SARDH: variants seen among roughly 807,000 people sequenced by gnomAD.
The protein encoded by SARDH is sarcosine dehydrogenase.
Under a neutral mutation model 109.1 loss-of-function variants are expected in SARDH, and 95 were observed. The observed-to-expected ratio is 0.87, with a 90% CI of 0.74 to 1.03. The LOEUF (loss-of-function observed/expected upper bound fraction) is 1.03. SARDH is among the 50% of genes least tolerant of loss of function. SARDH has a pLI of 0.00. For synonymous variants in SARDH, 572 were observed against 534.8 expected, an observed-to-expected ratio of 1.07 and a Z score of -0.96; for missense variants, 1,267 against 1,287.8, an observed-to-expected ratio of 0.98 and a Z score of 0.25.
At chr9:133,689,197 TC>T (rs1831003365) in intron 16 of SARDH, among the ~76,000 whole-genome samples, 1 of 76,392 alleles carries the variant, frequency 1.3e-5, no homozygotes, top group African/African-American at 5.0e-5. Flanking sequence ...CCTCCCTGCC[TC>T]TCCTCCTCTC....
intron 13 of SARDH, 138 bp downstream of exon 13, chr9:133,702,778 G>A (rs965777901): frequency 7.5e-5 from 53 of 710,420 alleles, no homozygotes; most frequent in Non-Finnish European, 1.2e-4. Flanking sequence ...GGAGTCAGCC[G>A]AAAAAAGCGT....
intron 6 of SARDH, 115 bp from the exon 7 acceptor site, chr9:133,719,157 T>TACAACGAGAAGGACCA: frequency 1.2e-6 from 1 of 815,054 alleles, no homozygotes; most frequent in Non-Finnish European, 2.0e-6. Context: ...GAGATGGTCC[T>TACAACGAGAAGGACCA]TCTCGTTGTA....
rs116857093 is a variant in SARDH, at chr9:133,729,502, G to A, written c.915+263C>T. On this transcript the variant is annotated intron_variant, in intron 6 of 20. Transcript: ENST00000439388. Reference sequence around the variant, plus strand: ...TGCACCACGCAGGACAGGCTGGACTGTGTTCTGGGCATCAAAGAGAGGCCA... The same window carrying A: ...TGCACCACGCAGGACAGGCTGGACTATGTTCTGGGCATCAAAGAGAGGCCA... 1.7e-3 allele frequency among the ~76,000 whole-genome samples: 260 copies of A among 152,316 alleles called. 3 individuals carry two copies. The highest frequency in any genetic ancestry group is 2.9e-3 in the Non-Finnish European group (196 of 68,022).
At chr9:133,695,032 C>T (rs1431512662) in intron 14 of SARDH, among the ~76,000 whole-genome samples, 1 of 152,054 alleles carries the variant, frequency 6.6e-6, no homozygotes, top group East Asian at 1.9e-4. Context: ...TTGTGTCCCC[C>T]ACAAAAGATA....
At position 133,734,055 on chromosome 9, in the gene SARDH, AC is replaced by A; in HGVS notation, c.118del (p.Val40CysfsTer7). On this transcript the variant is annotated frameshift_variant, in exon 2 of 21. Coordinates refer to ENST00000439388, the MANE Select transcript of SARDH (RefSeq NM_001134707.2). LOFTEE classifies it high-confidence loss of function. Reference sequence around the variant, plus strand: ...CTCCTTCAGGGTCCGCTGATATGGCACACTCTTCTCGGCTGTGGGGCCAGCT... The same window carrying A: ...CTCCTTCAGGGTCCGCTGATATGGCAACTCTTCTCGGCTGTGGGGCCAGCT... ...SAAGPTAEKSVPYQRTLKEGQ... is the reference protein window; with the variant it reads ...SAAGPTAEKSXPYQRTLKEGQ... 1 of 1,613,312 alleles carries A rather than the reference AC, an allele frequency of 6.2e-7. No homozygotes were observed. Among genetic ancestry groups the A allele is most frequent in the Non-Finnish European group, 8.5e-7 (1 of 1,179,944 alleles).
intron 18 of SARDH, among the ~76,000 whole-genome samples, 196 bp downstream of exon 18, chr9:133,671,339 C>T (rs903021218): frequency 1.3e-5 from 2 of 152,110 alleles, no homozygotes; most frequent in Admixed American, 1.3e-4. Context: ...CACGAAGACC[C>T]TGGGCAGCAA....
rs761262172 is a variant in SARDH at position 133,733,941 on chromosome 9, C to A, written c.233G>T (p.Gly78Val). Residue 78 changes from glycine to valine, a missense_variant, in exon 2 of 21, where the codon GGC (glycine) becomes GTC (valine). Coordinates refer to ENST00000439388, the MANE Select transcript of SARDH (RefSeq NM_001134707.2). Reference sequence around the variant, plus strand: ...GGCCAGGTGGTACAGGGTCTGGCAGCCCAAGCTGCCTCCACCAATGACCAC... The same window carrying A: ...GGCCAGGTGGTACAGGGTCTGGCAGACCAAGCTGCCTCCACCAATGACCAC... ...NVVVIGGGSLGCQTLYHLAKL... is the reference protein window; with the variant it reads ...NVVVIGGGSLVCQTLYHLAKL... 3 of 1,600,600 alleles carry A rather than the reference C, an allele frequency of 1.9e-6. No individual in the cohort carries two copies. The highest frequency in any genetic ancestry group is 1.7e-5 in the Admixed American group (1 of 59,182).
At chr9:133,723,500 C>T (rs759411199) in intron 6 of SARDH, among the ~76,000 whole-genome samples, 17 of 152,294 alleles carry the variant, frequency 1.1e-4, no homozygotes, top group Admixed American at 2.6e-4. Flanking sequence ...TGGTGGCTCA[C>T]GCCTGTAATC....
intron 15 of SARDH, among the ~76,000 whole-genome samples, chr9:133,691,629 A>C (rs1051213603): frequency 3.9e-5 from 6 of 152,202 alleles, no homozygotes; most frequent in Admixed American, 3.9e-4. Flanking sequence ...ATTTAAAATT[A>C]CTTTTGAGAT....
chr9:133,679,685 C>A (rs1204395572), intron 17 of SARDH, among the ~76,000 whole-genome samples: 2 of 152,230 alleles, frequency 1.3e-5, no homozygotes, highest in Non-Finnish European at 2.9e-5. Flanking sequence ...CGGACAATAA[C>A]TTCTCCCCAC....
chr9:133,679,321 A>G lies in SARDH; in HGVS notation c.2163+5872T>C, dbSNP rs1436992300. On this transcript the variant is annotated intron_variant, in intron 17 of 20. Coordinates refer to ENST00000439388, the MANE Select transcript of SARDH (RefSeq NM_001134707.2). ...GGAACTCAGCTGGTCTCTGACTGGC[A>G]TGTCATAGTTATCTAACGTGTGTGG... Among the ~76,000 whole-genome samples the G allele has an allele frequency of 2.0e-5, 3 of 152,358 alleles. No homozygotes were observed. In the East Asian group the frequency reaches 5.8e-4, roughly 29 times the overall value.
intron 12 of SARDH, chr9:133,703,395 G>A (rs559509535): frequency 7.6e-5 from 23 of 303,626 alleles, no homozygotes; most frequent in African/African-American, 4.4e-4. Flanking sequence ...CCTGCTCTGG[G>A]CCAGCCCCTG....
intron 20 of SARDH, among the ~76,000 whole-genome samples, chr9:133,665,775 C>T (rs906900538): frequency 6.6e-6 from 1 of 152,186 alleles, no homozygotes; most frequent in African/African-American, 2.4e-5. Flanking sequence ...AAGGCTGCTC[C>T]GTCTCCAGCC....
At chr9:133,724,103 C>T (rs922531986) in intron 6 of SARDH, among the ~76,000 whole-genome samples, 5 of 151,806 alleles carry the variant, frequency 3.3e-5, no homozygotes, top group Non-Finnish European at 5.9e-5. Context: ...ATGAATTGGA[C>T]GTTATTAAAA....
intron 17 of SARDH, among the ~76,000 whole-genome samples, chr9:133,683,675 G>C (rs540460101): frequency 1.6e-4 from 24 of 152,212 alleles, no homozygotes; most frequent in Non-Finnish European, 2.5e-4. Context: ...GAGCAGAGCC[G>C]CTGGGATCTC....
intron 16 of SARDH, among the ~76,000 whole-genome samples, chr9:133,687,647 C>T (rs1002684173): frequency 6.6e-6 from 1 of 152,094 alleles, no homozygotes; most frequent in Non-Finnish European, 1.5e-5. Flanking sequence ...CCACTAGCCA[C>T]ATTTCAAAGG....
intron 12 of SARDH, chr9:133,703,664 C>G (rs1038622650): frequency 2.0e-5 from 3 of 153,008 alleles, no homozygotes; most frequent in African/African-American, 2.4e-5. Flanking sequence ...GACAACCCCC[C>G]ACCCCGCCAC....
chr9:133,661,895 C>T (rs571024004), downstream of SARDH, among the ~76,000 whole-genome samples: 8 of 152,282 alleles, frequency 5.3e-5, no homozygotes, highest in East Asian at 3.9e-4. Context: ...AGCTACGAAA[C>T]GGTGTTTTTA....
In SARDH at chr9:133,732,591, C is replaced by T; in HGVS notation, c.342G>A (p.Trp114Ter). The T allele has an allele frequency of 6.2e-7, 1 of 1,607,074 alleles. No individual in the cohort carries two copies. The highest frequency in any genetic ancestry group is 1.1e-5 in the South Asian group (1 of 89,654). The change falls in exon 3 of 21, where the codon TGG becomes TGA. Residue 114 changes from tryptophan to a stop codon, truncating the protein, a stop_gained. Transcript: ENST00000439388. LOFTEE classifies it high-confidence loss of function. Reference protein sequence around the residue: ...GTTWHTAGLLWQLRPSDVEVE... With the variant: ...GTTWHTAGLL ...CCTCCACGTCACTGGGCCGCAGCTG[C>T]CACAGCAGGCCTGCCCGGGAGGGTG... is the stretch of plus-strand genomic sequence containing the variant.
Sources: gnomAD v4.1 joint callset for allele counts (sites outside exome capture counted in the v4.1 genomes callset) on GRCh38, gnomAD v4.1.1 for gene constraint, MANE v1.5 for transcripts, NCBI Gene and HGNC (gene_info 2026-07-23, HGNC 2026-07-21) for gene names.